TENM2: variants seen among roughly 807,000 people sequenced by gnomAD.
TENM2 encodes teneurin transmembrane protein 2.
In TENM2, 52 loss-of-function variants were observed where a neutral mutation model predicts 245.2. That is an observed-to-expected ratio of 0.21 (90% CI 0.17 to 0.27). TENM2 has a LOEUF of 0.27. TENM2 is among the 10% of genes least tolerant of loss of function. The probability of loss-of-function intolerance (pLI) is 1.00; values close to 1 mark genes in which losing one functional copy is unlikely to be tolerated. For missense variants in TENM2, 3,046 were observed against 3,666.8 expected, an observed-to-expected ratio of 0.83 and a Z score of 4.37; for synonymous variants, 1,363 against 1,438.9, an observed-to-expected ratio of 0.95 and a Z score of 1.19.
chr5:167,243,425 T>C, the TENM2 span, among the ~76,000 whole-genome samples: 8 of 152,080 alleles, frequency 5.3e-5, no homozygotes, highest in Non-Finnish European at 1.0e-4. Context: ...AAGGACATTA[T>C]TTTAGTGGAG....
chr5:167,044,630 G>A, the TENM2 span, among the ~76,000 whole-genome samples: 1 of 152,134 alleles, frequency 6.6e-6, no homozygotes, highest in Non-Finnish European at 1.5e-5. Context: ...ACACCAATAT[G>A]TCTCAGGCAC....
intron 2 of TENM2, among the ~76,000 whole-genome samples, chr5:167,599,004 A>AT (rs146915182): frequency 0.035 from 5,306 of 152,158 alleles, 326 homozygotes; most frequent in African/African-American, 0.12. Flanking sequence ...GACAGTTGAA[A>AT]TTTTTTTAGG....
At chr5:167,351,634 C>G (rs1758921369) in intron 1 of TENM2, among the ~76,000 whole-genome samples, 1 of 152,138 alleles carries the variant, frequency 6.6e-6, no homozygotes, top group Admixed American at 6.5e-5. Context: ...AAACCGGAAG[C>G]TGAATGGAGC....
At chr5:167,377,500 G>A (rs1760831794) in intron 2 of TENM2, among the ~76,000 whole-genome samples, 1 of 152,052 alleles carries the variant, frequency 6.6e-6, no homozygotes, top group Non-Finnish European at 1.5e-5. Flanking sequence ...GAATGTCTTT[G>A]TTTTTCTTTT....
At chr5:167,322,448 C>T (rs556660878) in intron 1 of TENM2, among the ~76,000 whole-genome samples, 2 of 152,258 alleles carry the variant, frequency 1.3e-5, no homozygotes, top group South Asian at 2.1e-4. Flanking sequence ...ATTCAAATCC[C>T]ACTGCGTTGC....
intron 1 of TENM2, among the ~76,000 whole-genome samples, chr5:167,318,822 G>A (rs907265491): frequency 5.3e-5 from 8 of 152,094 alleles, no homozygotes; most frequent in African/African-American, 1.4e-4. Context: ...GCCCACAAGT[G>A]GAATCTGTGC....
At chr5:167,561,515 G>C (rs941333483) in intron 2 of TENM2, among the ~76,000 whole-genome samples, 1 of 152,220 alleles carries the variant, frequency 6.6e-6, no homozygotes, top group South Asian at 2.1e-4. Context: ...GTTCAAAACA[G>C]TTGCCCAAAA....
At chr5:167,739,134 G>A (rs1449088276) in intron 2 of TENM2, among the ~76,000 whole-genome samples, 4 of 152,160 alleles carry the variant, frequency 2.6e-5, no homozygotes, top group Non-Finnish European at 4.4e-5. Context: ...TTGTTCCCTT[G>A]GCTAGAAAAG....
chr5:167,196,918 G>A, the TENM2 span, among the ~76,000 whole-genome samples: 2 of 151,922 alleles, frequency 1.3e-5, no homozygotes, highest in South Asian at 2.1e-4. Flanking sequence ...AATCTCCAGC[G>A]AGTACTGAGG....
In TENM2 at chr5:167,801,108, AAATATATATATAT is replaced by A. The variant is rs1213938709; in HGVS notation, c.503-74876_503-74864del. 3.7e-3 allele frequency among the ~76,000 whole-genome samples: 206 copies of A among 55,848 alleles called. 1 individual carries two copies. Among genetic ancestry groups the A allele is most frequent in the East Asian group, 0.013 (21 of 1,612 alleles). 36.6% of individuals were successfully genotyped at this position (55,848 alleles called of 152,430 possible). A position where few individuals can be genotyped will look rare whatever the true frequency, so the allele number is the denominator to read the frequency against. On this transcript the variant is annotated intron_variant, in intron 2 of 28. Transcript: ENST00000518659. ...TGTATTTGAAAAGAAAAAAAAAAAA[AAATATATATATAT>A]ATATATATATATATATATATATATA...
chr5:167,302,142 T>C (rs1367196608), intron 1 of TENM2, among the ~76,000 whole-genome samples: 1 of 152,152 alleles, frequency 6.6e-6, no homozygotes, highest in Non-Finnish European at 1.5e-5. Context: ...ATCAGGCACC[T>C]CAGACCGTTT....
intron 3 of TENM2, among the ~76,000 whole-genome samples, chr5:167,942,950 G>A (rs1293567715): frequency 6.6e-6 from 1 of 152,212 alleles, no homozygotes; most frequent in African/African-American, 2.4e-5. Context: ...GCGTACGTGT[G>A]TGTATGTGTG....
intron 3 of TENM2, among the ~76,000 whole-genome samples, chr5:167,931,718 G>A (rs2151708515): frequency 6.6e-6 from 1 of 152,330 alleles, no homozygotes; most frequent in South Asian, 2.1e-4. Context: ...TGTGTGTTGG[G>A]AAATAATATA....
intron 2 of TENM2, among the ~76,000 whole-genome samples, chr5:167,768,874 A>G (rs1561759606): frequency 1.3e-5 from 2 of 152,172 alleles, no homozygotes; most frequent in East Asian, 3.8e-4. Flanking sequence ...GTTCCCTGTA[A>G]CTTGGGAGAC....
chr5:168,177,356 G>A (rs1759452723), intron 13 of TENM2, among the ~76,000 whole-genome samples: 1 of 152,164 alleles, frequency 6.6e-6, no homozygotes, highest in Non-Finnish European at 1.5e-5. Context: ...TATTAAGCTG[G>A]TGTGATTATT....
chr5:168,137,994 C>A (rs1452564040), intron 12 of TENM2, among the ~76,000 whole-genome samples: 1 of 152,048 alleles, frequency 6.6e-6, no homozygotes, highest in Non-Finnish European at 1.5e-5. Flanking sequence ...TAATACACAA[C>A]AAAACCCACT....
At chr5:167,808,264 CTGTT>C (rs780125438) in intron 2 of TENM2, among the ~76,000 whole-genome samples, 20 of 151,938 alleles carry the variant, frequency 1.3e-4, no homozygotes, top group East Asian at 1.9e-4. Flanking sequence ...TTTTGTTTGT[CTGTT>C]TGTTTGTTTG....
chr5:167,156,433 C>T, the TENM2 span, among the ~76,000 whole-genome samples: 2 of 152,166 alleles, frequency 1.3e-5, no homozygotes, highest in Admixed American at 6.5e-5. Flanking sequence ...TTTAAAAATA[C>T]GTATTTGCCT....
chr5:167,639,151 A>T (rs1186278856), intron 2 of TENM2, among the ~76,000 whole-genome samples: 1 of 152,162 alleles, frequency 6.6e-6, no homozygotes, highest in Non-Finnish European at 1.5e-5. Context: ...TTTTCCTCCT[A>T]ATTATTATTT....
Sources: gnomAD v4.1 joint callset for allele counts (sites outside exome capture counted in the v4.1 genomes callset) on GRCh38, gnomAD v4.1.1 for gene constraint, MANE v1.5 for transcripts, NCBI Gene and HGNC (gene_info 2026-07-23, HGNC 2026-07-21) for gene names.